Variants in UNC79 observed in about 807,000 individuals in gnomAD.
UNC79 encodes protein unc-79 homolog.
UNC79 carries 37 observed loss-of-function variants against 283.1 expected under a neutral mutation model. That is an observed-to-expected ratio of 0.13 (90% CI 0.10 to 0.17). The LOEUF (loss-of-function observed/expected upper bound fraction) is 0.17. UNC79 is among the 10% of genes least tolerant of loss of function. UNC79 has a pLI of 1.00. For synonymous variants in UNC79, 1,107 were observed against 1,200.2 expected (o/e 0.92, Z 1.61); for missense variants, 2,272 against 3,211.1 (o/e 0.71, Z 7.07).
At chr14:93,528,772 ATTAT>A in intron 9 of UNC79, 126 bp downstream of exon 9, 4 of 870,568 alleles carry the variant, frequency 4.6e-6, no homozygotes, top group Non-Finnish European at 7.1e-6. Context: ...TTAAAGGTTA[ATTAT>A]TCTGATACTT....
intron 7 of UNC79, among the ~76,000 whole-genome samples, chr14:93,517,072 G>A (rs200735391): frequency 6.6e-6 from 1 of 151,748 alleles, no homozygotes; most frequent in Non-Finnish European, 1.5e-5. Flanking sequence ...TGGCTTTTTT[G>A]TAAGTTTCTT....
chr14:93,532,817 A>G (rs1400881720), intron 11 of UNC79, among the ~76,000 whole-genome samples: 3 of 152,204 alleles, frequency 2.0e-5, no homozygotes, highest in Non-Finnish European at 4.4e-5. Context: ...GTAATTTGCA[A>G]TAAAAGCCTA....
At chr14:93,583,432 G>C (rs2063967246) in intron 20 of UNC79, among the ~76,000 whole-genome samples, 1 of 152,216 alleles carries the variant, frequency 6.6e-6, no homozygotes, top group Non-Finnish European at 1.5e-5. Flanking sequence ...ATATTATTAG[G>C]GGACTGTTTT....
chr14:93,578,007 G>A, exon 18 of UNC79: 1 of 1,614,256 alleles, frequency 6.2e-7, no homozygotes, highest in Non-Finnish European at 8.5e-7. Flanking sequence ...TGATTGTGAA[G>A]ATGATGAAAT....
chr14:93,346,175 G>A (rs556766324), intron 1 of UNC79, among the ~76,000 whole-genome samples: 22 of 151,998 alleles, frequency 1.4e-4, no homozygotes, highest in Middle Eastern at 6.8e-3. Context: ...ACAGCAAAAC[G>A]AAAAGAAATC....
intron 40 of UNC79, among the ~76,000 whole-genome samples, chr14:93,666,074 T>C (rs998694834): frequency 3.9e-5 from 6 of 152,008 alleles, no homozygotes; most frequent in Admixed American, 3.9e-4. Flanking sequence ...TTTGTGTGTG[T>C]GTGTGTGTGT....
At chr14:93,352,832 A>T (rs188883116) in intron 1 of UNC79, among the ~76,000 whole-genome samples, 8 of 152,228 alleles carry the variant, frequency 5.3e-5, no homozygotes, top group Non-Finnish European at 1.0e-4. Context: ...AATTGAAAGT[A>T]TTGTAAGTAC....
chr14:93,564,663 G>A (rs2062766951), intron 14 of UNC79, among the ~76,000 whole-genome samples: 1 of 152,150 alleles, frequency 6.6e-6, no homozygotes, highest in South Asian at 2.1e-4. Flanking sequence ...GGCTGAGTCT[G>A]GAAAGAGAGT....
intron 25 of UNC79, among the ~76,000 whole-genome samples, chr14:93,602,130 GT>G (rs1308580431): frequency 6.6e-6 from 1 of 152,048 alleles, no homozygotes; most frequent in Non-Finnish European, 1.5e-5. Flanking sequence ...GTTTATTTTT[GT>G]TTTTGTTGCA....
chr14:93,340,860 C>G (rs2053693761), intron 1 of UNC79, among the ~76,000 whole-genome samples: 1 of 152,188 alleles, frequency 6.6e-6, no homozygotes, highest in Non-Finnish European at 1.5e-5. Flanking sequence ...GTGTGAGCCA[C>G]CATGTCTGGC....
intron 38 of UNC79, among the ~76,000 whole-genome samples, chr14:93,658,725 GT>G (rs2071221384): frequency 6.6e-6 from 1 of 152,070 alleles, no homozygotes; most frequent in African/African-American, 2.4e-5. Context: ...TGGATTCATG[GT>G]TTTTTTAAAA....
In UNC79 at chr14:93,590,984, C is replaced by G. The variant is rs945941471; in HGVS notation, c.3033-2696C>G. Among the ~76,000 whole-genome samples, 5 of 152,296 alleles carry G rather than the reference C, an allele frequency of 3.3e-5. No individual in the cohort carries two copies. In the South Asian group the frequency reaches 8.3e-4, roughly 25 times the overall value. The stretch of plus-strand genomic sequence containing the variant: ...CAGGTTTCTGCATACCTACTAAGTG[C>G]CATGCTCTCTGCACATCTTGTTTAA... On this transcript the variant is annotated intron_variant, in intron 22 of 48. Transcript: ENST00000555664.
intron 22 of UNC79, among the ~76,000 whole-genome samples, chr14:93,589,266 CT>C (rs778099540): frequency 1.3e-5 from 2 of 151,954 alleles, no homozygotes; most frequent in Non-Finnish European, 2.9e-5. Context: ...GGACCGGGGA[CT>C]GGTGATATGG....
chr14:93,428,102 A>G (rs1231695520), upstream of UNC79, among the ~76,000 whole-genome samples: 1 of 152,152 alleles, frequency 6.6e-6, no homozygotes, highest in Admixed American at 6.5e-5. Context: ...ATAATTTACT[A>G]TTAGGAAATT....
intron 5 of UNC79, among the ~76,000 whole-genome samples, chr14:93,491,707 A>G (rs1378090845): frequency 1.3e-5 from 2 of 152,240 alleles, no homozygotes; most frequent in African/African-American, 4.8e-5. Flanking sequence ...TTCTCAATAA[A>G]TACTGAATCC....
In UNC79 at chr14:93,668,980, A is replaced by T. The variant is rs897564636; in HGVS notation, c.6637-4371A>T. Among the ~76,000 whole-genome samples, 269 of 133,428 alleles carry T rather than the reference A, an allele frequency of 2.0e-3. 1 individual carries two copies. Among genetic ancestry groups the T allele is most frequent in the Admixed American group, 4.9e-3 (67 of 13,722 alleles). 87.5% of individuals were successfully genotyped at this position (133,428 alleles called of 152,430 possible). ...GGCAACAGAGTGAGAACATTGTCTA[A>T]AAAAAAAAAAAAAAAAAAAAAAGAA... On this transcript the variant is annotated intron_variant, in intron 40 of 48. Coordinates refer to ENST00000555664, the Ensembl canonical transcript of UNC79.
At chr14:93,447,575 CTTTG>C (rs2056500730) in intron 1 of UNC79, among the ~76,000 whole-genome samples, 1 of 151,254 alleles carries the variant, frequency 6.6e-6, no homozygotes, top group African/African-American at 2.4e-5. Context: ...TTCTGGTGCT[CTTTG>C]TTTTTTTTTT....
intron 12 of UNC79, among the ~76,000 whole-genome samples, chr14:93,540,361 C>G (rs906071048): frequency 1.3e-5 from 2 of 152,110 alleles, no homozygotes; most frequent in Admixed American, 1.3e-4. Context: ...GTTGGTGAAC[C>G]AGAAGTCAGA....
chr14:93,577,417 T>A (rs1046008001), intron 17 of UNC79, among the ~76,000 whole-genome samples: 1 of 152,198 alleles, frequency 6.6e-6, no homozygotes, highest in African/African-American at 2.4e-5. Context: ...AGTTTAATAA[T>A]TGTAATCCCC....
Sources: gnomAD v4.1 joint callset for allele counts (sites outside exome capture counted in the v4.1 genomes callset) on GRCh38, gnomAD v4.1.1 for gene constraint, MANE v1.5 for transcripts, NCBI Gene and HGNC (gene_info 2026-07-23, HGNC 2026-07-21) for gene names.